Variants in NSD1 observed in about 807,000 individuals in gnomAD.
The protein encoded by NSD1 is nuclear receptor binding SET domain protein 1.
In NSD1, 26 loss-of-function variants were observed where a neutral mutation model predicts 242.7. The ratio of observed to expected loss-of-function variants is 0.11; its 90% CI spans 0.08 to 0.15. The LOEUF (loss-of-function observed/expected upper bound fraction) is 0.15, where lower values mean the gene tolerates loss of function less well. Among genes scored for constraint, NSD1 ranks in the 10% least tolerant of loss-of-function variants. The pLI, the probability that NSD1 is intolerant of heterozygous loss-of-function variation, is 1.00. For synonymous variants in NSD1, 1,106 were observed against 1,178.1 expected (o/e 0.94, Z 1.25); for missense variants, 2,495 against 3,272.8 (o/e 0.76, Z 5.80).
chr5:177,137,846 G>A (rs2149759311), intron 2 of NSD1, among the ~76,000 whole-genome samples: 1 of 152,198 alleles, frequency 6.6e-6, no homozygotes, highest in Admixed American at 6.5e-5. Flanking sequence ...CACTTTGGGA[G>A]GCTGAGGTGG....
intron 12 of NSD1, among the ~76,000 whole-genome samples, chr5:177,253,646 T>C (rs1756185077): frequency 1.3e-5 from 2 of 152,094 alleles, no homozygotes; most frequent in Non-Finnish European, 1.5e-5. Flanking sequence ...TTCTTTTTTT[T>C]CCTTGAGACA....
At chr5:177,137,553 T>A (rs1756440488) in intron 2 of NSD1, 1 of 152,128 alleles carries the variant, frequency 6.6e-6, no homozygotes, top group Admixed American at 6.6e-5. Flanking sequence ...TTATCTTGAG[T>A]CTGAATTGTC....
chr5:177,190,976 T>C (rs904025263), intron 2 of NSD1, among the ~76,000 whole-genome samples: 15 of 132,788 alleles, frequency 1.1e-4, no homozygotes, highest in Non-Finnish European at 2.0e-4. Flanking sequence ...CTTTTTTTTT[T>C]TTTTCTTTTT....
At chr5:177,201,900 C>T (rs1181897716) in intron 3 of NSD1, among the ~76,000 whole-genome samples, 2 of 151,666 alleles carry the variant, frequency 1.3e-5, no homozygotes, top group Non-Finnish European at 2.9e-5. Context: ...GGCGCGGTGG[C>T]TCACGCCTGT....
At chr5:177,254,348 G>A (rs75285769) in intron 12 of NSD1, among the ~76,000 whole-genome samples, 2,778 of 152,232 alleles carry the variant, frequency 0.018, 33 homozygotes, top group Non-Finnish European at 0.028. Flanking sequence ...GTGATTTGCT[G>A]TCATAGCTAA....
Position 177,295,860 on chromosome 5 carries a change from C to G in NSD1, c.*401C>G, listed in dbSNP as rs918077887. 17 of 393,828 alleles carry G rather than the reference C, an allele frequency of 4.3e-5. No individual in the cohort carries two copies. The Admixed American group carries it at 4.7e-4, about 11-fold the overall frequency. The allele number at this position is 393,828 out of a possible 1,614,324, so 24.4% of individuals were successfully genotyped here. On this transcript the variant is annotated 3_prime_UTR_variant, in exon 23 of 23. Transcript: ENST00000439151. The surrounding 1 kb of genome is among the most constrained non-coding windows in gnomAD (Gnocchi z 4.3). ...AGCCCCATTGAGGGCACCTAGGAACCCTTGGGAGGAAATGGTGTTCTTTCA... is the reference window on the plus strand; with the variant it reads ...AGCCCCATTGAGGGCACCTAGGAACGCTTGGGAGGAAATGGTGTTCTTTCA...
intron 8 of NSD1, 51 bp downstream of exon 8, chr5:177,239,916 T>C: frequency 8.4e-7 from 1 of 1,196,740 alleles, no homozygotes; most frequent in African/African-American, 1.5e-5. Context: ...AAATGAGAAA[T>C]TTTAAAAATG....
intron 2 of NSD1, among the ~76,000 whole-genome samples, chr5:177,183,683 G>A (rs1278233929): frequency 6.6e-6 from 1 of 151,920 alleles, no homozygotes; most frequent in African/African-American, 2.4e-5. Context: ...TCAACCTGTT[G>A]TGCTATCAAA....
At chr5:177,265,786 G>C (rs756585252) in intron 14 of NSD1, 15 of 1,415,394 alleles carry the variant, frequency 1.1e-5, no homozygotes, top group Non-Finnish European at 1.5e-5. Flanking sequence ...TGGAGAAGCC[G>C]GTCCCTCCGG....
rs1380546403 is a variant in NSD1 at position 177,282,448 on chromosome 5, G to T, written c.5893-17G>T. The T allele has an allele frequency of 4.5e-6, 7 of 1,540,432 alleles. 1 individual carries two copies. Among genetic ancestry groups the T allele is most frequent in the African/African-American group, 2.7e-5 (2 of 73,320 alleles). On this transcript the variant is annotated splice_polypyrimidine_tract_variant and intron_variant, in intron 18 of 22. Transcript: ENST00000439151. ...GTCCTTTTTTGCCATTAAGTCAGGA[G>T]GTATTTCTTGTTCTAGGGTGAATTT...
At chr5:177,272,925 A>G (rs1758058809) in intron 16 of NSD1, among the ~76,000 whole-genome samples, 1 of 151,892 alleles carries the variant, frequency 6.6e-6, no homozygotes, top group Non-Finnish European at 1.5e-5. Flanking sequence ...TTAGCTATGA[A>G]GATCTGTGTA....
intron 14 of NSD1, chr5:177,265,613 T>C: frequency 2.7e-6 from 4 of 1,476,986 alleles, no homozygotes; most frequent in Admixed American, 3.3e-5. Context: ...GTCGCACAGA[T>C]GGCCCCTGAA....
rs150492535 is a variant in NSD1, at chr5:177,207,593, A to ATTTTTTTTTTTTTT, written c.1237-2027_1237-2014dup. ...CACCGTGCCTGGCCTATTTATTTAA[A>ATTTTTTTTTTTTTT]TTTTTTTTTTTTTTTTTTTTTTTTT... On this transcript the variant is annotated intron_variant, in intron 4 of 22. Coordinates refer to ENST00000439151, the MANE Select transcript of NSD1 (RefSeq NM_022455.5). Among the ~76,000 whole-genome samples, 46 of 78,218 alleles carry ATTTTTTTTTTTTTT rather than the reference A, an allele frequency of 5.9e-4. 7 individuals carry two copies. The highest frequency in any genetic ancestry group is 2.8e-3 in the African/African-American group (40 of 14,180). 51.3% of individuals were successfully genotyped at this position (78,218 alleles called of 152,430 possible).
At chr5:177,169,089 T>A (rs986181993) in intron 2 of NSD1, among the ~76,000 whole-genome samples, 1 of 152,176 alleles carries the variant, frequency 6.6e-6, no homozygotes, top group Non-Finnish European at 1.5e-5. Context: ...TGAGAATACT[T>A]CTCAGCTGCA....
intron 17 of NSD1, among the ~76,000 whole-genome samples, chr5:177,276,981 A>G (rs1758443504): frequency 6.6e-6 from 1 of 152,202 alleles, no homozygotes; most frequent in South Asian, 2.1e-4. Flanking sequence ...TCAGAAATGG[A>G]AAATAATTCT....
chr5:177,239,304 A>C (rs908777327), intron 7 of NSD1, among the ~76,000 whole-genome samples: 4 of 152,224 alleles, frequency 2.6e-5, no homozygotes, highest in African/African-American at 9.6e-5. Context: ...CTATTAAGTC[A>C]GCTCTTTTAT....
At chr5:177,191,445 T>C (rs898678637) in intron 2 of NSD1, among the ~76,000 whole-genome samples, 3 of 152,218 alleles carry the variant, frequency 2.0e-5, no homozygotes, top group African/African-American at 7.2e-5. Context: ...TTGAAAAGCA[T>C]GTAGAATATC....
chr5:177,249,841 C>T (rs1180317644), intron 11 of NSD1, among the ~76,000 whole-genome samples: 1 of 152,192 alleles, frequency 6.6e-6, no homozygotes, highest in African/African-American at 2.4e-5. Context: ...AATCTCAGCA[C>T]TTTGTGAGGC....
Position 177,238,280 on chromosome 5 carries a change from G to C in NSD1, c.3965G>C (p.Arg1322Pro), listed in dbSNP as rs750684515. 6.2e-7 allele frequency: 1 copy of C among 1,614,090 alleles called. No homozygotes were observed. The highest frequency in any genetic ancestry group is 1.7e-5 in the Admixed American group (1 of 59,998). The change falls in exon 7 of 23, where the codon CGA (arginine) becomes CCA (proline). Residue 1322 changes from arginine (R) to proline (P), a missense_variant. By Grantham distance (103) the Arg-to-Pro change is moderately radical (BLOSUM62 -2). This residue lies in a region of NSD1 where 100 missense variants were observed against 190.7 expected (regional missense o/e 0.52). Transcript: ENST00000439151. The surrounding 1 kb of genome is among the most constrained non-coding windows in gnomAD (Gnocchi z 4.6). ...GAGGAAAGCCTTCTAGCCCGAGGTC[G>C]ATCTAGTGCTCAGAACAAGCAGGTG... ...CEEESLLARGRSSAQNKQVDE... is the reference protein window; with the variant it reads ...CEEESLLARGPSSAQNKQVDE...
Sources: allele counts gnomAD v4.1 joint callset (sites outside exome capture counted in the v4.1 genomes callset), GRCh38; gene constraint gnomAD v4.1.1; regional missense constraint gnomAD v4.1.1; non-coding constraint Gnocchi (gnomAD v3.1); transcripts MANE v1.5; gene names NCBI Gene and HGNC (gene_info 2026-07-23, HGNC 2026-07-21).